TSGA10: variants seen among roughly 807,000 people sequenced by gnomAD.
The protein encoded by TSGA10 is testis-specific gene 10 protein.
TSGA10 carries 43 observed loss-of-function variants against 96.6 expected under a neutral mutation model. That is an observed-to-expected ratio of 0.44 (90% CI 0.35 to 0.57). The LOEUF (loss-of-function observed/expected upper bound fraction) is 0.57, where lower values mean the gene tolerates loss of function less well. Among genes scored for constraint, TSGA10 ranks in the 20% least tolerant of loss-of-function variants. TSGA10 has a pLI of 0.01. For synonymous variants in TSGA10, 229 were observed against 269.9 expected (o/e 0.85, Z 1.48); for missense variants, 703 against 834.4 (o/e 0.84, Z 1.94).
chr2:99,064,748 T>G (rs75747948), intron 16 of TSGA10, among the ~76,000 whole-genome samples, 191 bp downstream of exon 16: 2,144 of 152,284 alleles, frequency 0.014, 51 homozygotes, highest in African/African-American at 0.048. Flanking sequence ...ATGCTAATGA[T>G]TGTTCTGGAT....
chr2:98,999,908 CT>C (rs893806754), intron 20 of TSGA10, among the ~76,000 whole-genome samples: 4 of 152,180 alleles, frequency 2.6e-5, no homozygotes, highest in African/African-American at 9.7e-5. Context: ...GCCACCATAT[CT>C]GGCTAATTTT....
intron 2 of TSGA10, chr2:99,125,578 G>A (rs1395470304): frequency 6.6e-6 from 1 of 152,038 alleles, no homozygotes; most frequent in Admixed American, 6.6e-5. Flanking sequence ...CTGATTCTTT[G>A]GATTACAATG....
chr2:99,043,275 G>A (rs569716699), intron 16 of TSGA10, among the ~76,000 whole-genome samples: 5 of 152,124 alleles, frequency 3.3e-5, no homozygotes, highest in African/African-American at 9.6e-5. Context: ...CTCAGCAGTG[G>A]ATTCTGAACT....
chr2:99,043,821 A>G (rs2082451247), intron 16 of TSGA10, among the ~76,000 whole-genome samples: 1 of 152,226 alleles, frequency 6.6e-6, no homozygotes, highest in Admixed American at 6.5e-5. Context: ...TTTCAGAATG[A>G]AGGGAAAATC....
At chr2:99,044,351 C>CAAA (rs57316203) in intron 16 of TSGA10, among the ~76,000 whole-genome samples, 1,276 of 98,514 alleles carry the variant, frequency 0.013, 26 homozygotes, top group African/African-American at 0.032. Flanking sequence ...AAATGGAAAG[C>CAAA]AAAAAAAAAA....
chr2:99,016,883 A>G (rs776356133), intron 20 of TSGA10, among the ~76,000 whole-genome samples: 34 of 152,370 alleles, frequency 2.2e-4, no homozygotes, highest in Non-Finnish European at 4.0e-4. Flanking sequence ...CAAATGCCCA[A>G]CAAACATATG....
intron 15 of TSGA10, among the ~76,000 whole-genome samples, chr2:99,068,510 T>C (rs2085530050): frequency 6.6e-6 from 1 of 152,152 alleles, no homozygotes; most frequent in Non-Finnish European, 1.5e-5. Context: ...AAAAAATAGA[T>C]GGTCCCATAA....
At chr2:99,147,401 G>C in intron 1 of TSGA10, 1 of 1,446,524 alleles carries the variant, frequency 6.9e-7, no homozygotes, top group Non-Finnish European at 9.7e-7. Context: ...ATATATTCCA[G>C]ATTTCTTCTT....
intron 16 of TSGA10, among the ~76,000 whole-genome samples, chr2:99,046,818 A>C (rs1450339694): frequency 6.6e-6 from 1 of 152,172 alleles, no homozygotes; most frequent in Non-Finnish European, 1.5e-5. Flanking sequence ...AAACTGATAG[A>C]CCACTAGCAA....
intron 1 of TSGA10, chr2:99,150,372 A>T (rs1402787983): frequency 1.6e-6 from 1 of 607,856 alleles, no homozygotes; most frequent in Non-Finnish European, 2.7e-6. Flanking sequence ...GTAGGAGGCA[A>T]TTTTACTTTA....
intron 10 of TSGA10, among the ~76,000 whole-genome samples, chr2:99,095,014 A>T (rs1177662737): frequency 2.0e-5 from 3 of 152,246 alleles, no homozygotes; most frequent in Non-Finnish European, 4.4e-5. Flanking sequence ...CCATCAATCA[A>T]TAAATGGATA....
intron 20 of TSGA10, among the ~76,000 whole-genome samples, chr2:99,007,091 ATG>A (rs2078556961): frequency 6.6e-6 from 1 of 151,390 alleles, no homozygotes; most frequent in African/African-American, 2.4e-5. Flanking sequence ...GAATTGAACA[ATG>A]AGAACATTTG....
In TSGA10 at chr2:99,114,165, A is replaced by G. The variant is rs144352989; in HGVS notation, c.-139-3250T>C. Among the ~76,000 whole-genome samples the G allele has an allele frequency of 6.7e-3, 1,013 of 152,320 alleles. 13 individuals carry two copies. The highest frequency in any genetic ancestry group is 0.024 in the African/African-American group (979 of 41,554). ...TCAGACTCTACCTCCGCATACCCAG[A>G]GTATAATCTTAAACACTAGAAACCC... On this transcript the variant is annotated intron_variant, in intron 4 of 20. Transcript: ENST00000393483.
chr2:99,089,688 C>A (rs2089038330), intron 10 of TSGA10, among the ~76,000 whole-genome samples: 1 of 152,124 alleles, frequency 6.6e-6, no homozygotes. Context: ...CAGCCATAAT[C>A]CTCCTGGGAG....
At chr2:99,071,925 A>T in intron 13 of TSGA10, 51 bp from the exon 14 acceptor site, 1 of 1,497,380 alleles carries the variant, frequency 6.7e-7, no homozygotes, top group South Asian at 1.3e-5. Context: ...ACTGAAACAG[A>T]GCAACAAATT....
At chr2:98,998,759 C>T (rs1040105363) in intron 20 of TSGA10, among the ~76,000 whole-genome samples, 2 of 152,092 alleles carry the variant, frequency 1.3e-5, no homozygotes, top group African/African-American at 4.8e-5. Flanking sequence ...GGCCTTTAGA[C>T]TAGTTAATCA....
intron 1 of TSGA10, chr2:99,147,609 G>A: frequency 1.1e-6 from 1 of 892,114 alleles, no homozygotes; most frequent in Non-Finnish European, 1.7e-6. Flanking sequence ...TTTTACGTTT[G>A]TTGATTTCAA....
chr2:99,100,613 G>A (rs1018904886), intron 10 of TSGA10, among the ~76,000 whole-genome samples: 23 of 152,030 alleles, frequency 1.5e-4, no homozygotes, highest in Admixed American at 1.3e-3. Context: ...GAGGTCAGGA[G>A]ATCGAGACCA....
At chr2:99,071,510 T>G (rs969015103) in intron 14 of TSGA10, among the ~76,000 whole-genome samples, 196 bp downstream of exon 14, 1 of 152,200 alleles carries the variant, frequency 6.6e-6, no homozygotes, top group Admixed American at 6.5e-5. Flanking sequence ...CCCTGTTCTC[T>G]CTTTTCTTTA....
Sources: gnomAD v4.1 joint callset for allele counts (sites outside exome capture counted in the v4.1 genomes callset) on GRCh38, gnomAD v4.1.1 for gene constraint, MANE v1.5 for transcripts, NCBI Gene and HGNC (gene_info 2026-07-23, HGNC 2026-07-21) for gene names.